TMTC1: variants seen among roughly 807,000 people sequenced by gnomAD.
TMTC1 encodes the protein protein O-mannosyl-transferase TMTC1.
In TMTC1, 73 loss-of-function variants were observed where a neutral mutation model predicts 104.8. The ratio of observed to expected loss-of-function variants is 0.70; its 90% CI spans 0.58 to 0.85. The LOEUF is 0.85. TMTC1 is among the 40% of genes least tolerant of loss of function. The pLI is 0.00. For synonymous variants in TMTC1, 434 were observed against 428.7 expected (o/e 1.01, Z -0.15); for missense variants, 1,035 against 1,096.1 (o/e 0.94, Z 0.79).
At chr12:29,547,841 AGAGC>A (rs1446954210) in intron 10 of TMTC1, among the ~76,000 whole-genome samples, 1 of 152,250 alleles carries the variant, frequency 6.6e-6, no homozygotes, top group East Asian at 1.9e-4. Flanking sequence ...GGGTCGAAGA[AGAGC>A]AGATGTTGGA....
chr12:29,512,190 T>A (rs955813874), intron 16 of TMTC1, 70 bp from the exon 17 acceptor site: 1 of 1,285,946 alleles, frequency 7.8e-7, no homozygotes, highest in African/African-American at 1.5e-5. Context: ...GAAACCACTT[T>A]CTTCACGTGT....
Position 29,556,052 on chromosome 12 carries a change from CT to C in TMTC1, c.1676+804del, listed in dbSNP as rs34199321. Among the ~76,000 whole-genome samples the C allele has an allele frequency of 9.0e-4, 134 of 149,464 alleles. 3 individuals are homozygous for C. The East Asian group carries it at 0.022, about 24-fold the overall frequency. ...ATTTCCATTTCTGATATTTGTTAACCTTTTTTTTTTAAGTTTAGAAGCTAAA... is the reference window on the plus strand; with the variant it reads ...ATTTCCATTTCTGATATTTGTTAACCTTTTTTTTTAAGTTTAGAAGCTAAA... On this transcript the variant is annotated intron_variant, in intron 10 of 17. Coordinates refer to ENST00000539277, the MANE Select transcript of TMTC1 (RefSeq NM_001193451.2).
intron 5 of TMTC1, among the ~76,000 whole-genome samples, chr12:29,657,995 A>C (rs1360844193): frequency 6.6e-6 from 1 of 152,108 alleles, no homozygotes; most frequent in Non-Finnish European, 1.5e-5. Flanking sequence ...TGGGAGGCTG[A>C]GGTAAGAGAA....
intron 5 of TMTC1, among the ~76,000 whole-genome samples, chr12:29,731,211 C>T (rs944646747): frequency 2.6e-5 from 4 of 152,158 alleles, no homozygotes; most frequent in African/African-American, 9.7e-5. Flanking sequence ...GGCTGGAGTG[C>T]AGTGGTGCAA....
chr12:29,615,011 C>T (rs1946941161), intron 6 of TMTC1, among the ~76,000 whole-genome samples: 1 of 152,168 alleles, frequency 6.6e-6, no homozygotes, highest in Non-Finnish European at 1.5e-5. Context: ...GAGAATTTTC[C>T]AGCCAATGTC....
At chr12:29,720,929 C>CA (rs1257249692) in intron 5 of TMTC1, among the ~76,000 whole-genome samples, 2 of 151,876 alleles carry the variant, frequency 1.3e-5, no homozygotes, top group Non-Finnish European at 2.9e-5. Flanking sequence ...TGATTATATA[C>CA]AAAAAAAGTG....
intron 1 of TMTC1, among the ~76,000 whole-genome samples, chr12:29,769,304 A>G (rs1943544092): frequency 6.6e-6 from 1 of 152,206 alleles, no homozygotes; most frequent in Non-Finnish European, 1.5e-5. Flanking sequence ...CTAAGCCTAG[A>G]AAACTAAATT....
chr12:29,522,315 G>A (rs939533077), intron 11 of TMTC1, among the ~76,000 whole-genome samples: 2 of 152,122 alleles, frequency 1.3e-5, no homozygotes. Context: ...AATGACCAAT[G>A]CCATCTATTT....
At chr12:29,537,585 C>A (rs1033935054) in intron 10 of TMTC1, among the ~76,000 whole-genome samples, 1 of 152,144 alleles carries the variant, frequency 6.6e-6, no homozygotes, top group Non-Finnish European at 1.5e-5. Flanking sequence ...CACCTTGGAG[C>A]CTGTGAGAAA....
chr12:29,774,967 C>A (rs1228949758), intron 1 of TMTC1, among the ~76,000 whole-genome samples: 1 of 152,048 alleles, frequency 6.6e-6, no homozygotes, highest in African/African-American at 2.4e-5. Flanking sequence ...GGAAGCTGCC[C>A]CACAGGAAAG....
intron 10 of TMTC1, among the ~76,000 whole-genome samples, chr12:29,553,652 G>T (rs1292709394): frequency 6.6e-6 from 1 of 152,140 alleles, no homozygotes; most frequent in African/African-American, 2.4e-5. Flanking sequence ...TCATCATCAA[G>T]AATTGATTTT....
At chr12:29,537,225 G>A (rs1040465949) in intron 10 of TMTC1, among the ~76,000 whole-genome samples, 2 of 152,182 alleles carry the variant, frequency 1.3e-5, no homozygotes, top group Admixed American at 6.5e-5. Context: ...ACAGCCTAAA[G>A]GTCCCCTCCT....
chr12:29,505,591 T>G lies in TMTC1; in HGVS notation c.*1255A>C, dbSNP rs986899022. On this transcript the variant is annotated 3_prime_UTR_variant, in exon 18 of 18. Coordinates refer to ENST00000539277, the MANE Select transcript of TMTC1 (RefSeq NM_001193451.2). ...ACTTTGTACAGAGAAAAAAGAAGAG[T>G]GTGTATGTATATATTAAATATTTTA... The G allele has an allele frequency of 6.6e-6, 1 of 151,934 alleles. No homozygotes were observed. Among genetic ancestry groups the G allele is most frequent in the Non-Finnish European group, 1.5e-5 (1 of 67,974 alleles). 9.4% of individuals were successfully genotyped at this position (151,934 alleles called of 1,614,324 possible).
intron 10 of TMTC1, 71 bp from the exon 11 acceptor site, chr12:29,536,388 C>T (rs1251494846): frequency 4.3e-6 from 4 of 936,566 alleles, no homozygotes; most frequent in Non-Finnish European, 6.7e-6. Flanking sequence ...TCTGATTAGA[C>T]TCTAAAAATC....
intron 6 of TMTC1, among the ~76,000 whole-genome samples, chr12:29,607,044 G>A (rs192643119): frequency 1.9e-4 from 29 of 152,210 alleles, no homozygotes; most frequent in East Asian, 1.2e-3. Flanking sequence ...TTGGGGATGC[G>A]GAGATGGGGG....
intron 6 of TMTC1, among the ~76,000 whole-genome samples, chr12:29,607,154 CA>C (rs1410286840): frequency 6.6e-6 from 1 of 152,222 alleles, no homozygotes; most frequent in Non-Finnish European, 1.5e-5. Flanking sequence ...TTTCTTCAGA[CA>C]CCAGCACAGT....
chr12:29,607,764 C>A (rs1429122865), intron 6 of TMTC1, among the ~76,000 whole-genome samples: 1 of 152,092 alleles, frequency 6.6e-6, no homozygotes, highest in Non-Finnish European at 1.5e-5. Flanking sequence ...TCCCTTCCAT[C>A]CTCAAGGTGC....
Position 29,502,097 on chromosome 12 carries a change from A to G in TMTC1, c.*4749T>C, listed in dbSNP as rs192933053. The G allele has an allele frequency of 2.2e-4, 34 of 152,308 alleles. No individual in the cohort carries two copies. The highest frequency in any genetic ancestry group is 1.4e-3 in the Admixed American group (22 of 15,302). 9.4% of individuals were successfully genotyped at this position (152,308 alleles called of 1,614,324 possible). ...TTTATCTTATTCAACTGCAACCTCA[A>G]TGCTAGATTTGACAGGTACTTAATT... On this transcript the variant is annotated 3_prime_UTR_variant, in exon 18 of 18. Transcript: ENST00000539277.
At chr12:29,760,978 T>C (rs1384399207) in intron 2 of TMTC1, among the ~76,000 whole-genome samples, 1 of 144,226 alleles carries the variant, frequency 6.9e-6, no homozygotes, top group Non-Finnish European at 1.5e-5. Context: ...ATTATTTATA[T>C]ATTATGTATT....
Sources: allele counts gnomAD v4.1 joint callset (sites outside exome capture counted in the v4.1 genomes callset), GRCh38; gene constraint gnomAD v4.1.1; transcripts MANE v1.5; gene names NCBI Gene and HGNC (gene_info 2026-07-23, HGNC 2026-07-21).